The following SYNPO2 variants were observed in gnomAD, a reference collection of about 807,000 sequenced individuals.
SYNPO2 encodes the protein synaptopodin 2, also known as synaptopodin-2.
SYNPO2 carries 56 observed loss-of-function variants against 85.0 expected under a neutral mutation model. The ratio of observed to expected loss-of-function variants is 0.66; its 90% CI spans 0.53 to 0.82. The LOEUF is 0.82. Ranked by LOEUF, SYNPO2 falls within the 40% of genes least tolerant of loss-of-function variation. The probability of loss-of-function intolerance (pLI) is 0.00; values close to 1 mark genes in which losing one functional copy is unlikely to be tolerated. For synonymous variants in SYNPO2, 602 were observed against 591.1 expected, an observed-to-expected ratio of 1.02 and a Z score of -0.27; for missense variants, 1,575 against 1,534.2, an observed-to-expected ratio of 1.03 and a Z score of -0.44.
chr4:118,864,709 C>G (rs1731671907), intron 1 of SYNPO2, among the ~76,000 whole-genome samples: 1 of 152,128 alleles, frequency 6.6e-6, no homozygotes, highest in Non-Finnish European at 1.5e-5. Context: ...TCTTCTTTGT[C>G]TCTTCTTATG....
intron 1 of SYNPO2, among the ~76,000 whole-genome samples, chr4:119,007,260 ATATATATATATATATG>A (rs1560972447): frequency 0.027 from 992 of 36,896 alleles, 33 homozygotes; most frequent in Non-Finnish European, 0.043. Flanking sequence ...ATACATATAT[ATATATATATATATATG>A]TATATACATA....
At chr4:118,979,627 T>C (rs1305903457) in intron 1 of SYNPO2, among the ~76,000 whole-genome samples, 1 of 152,206 alleles carries the variant, frequency 6.6e-6, no homozygotes, top group Non-Finnish European at 1.5e-5. Context: ...GCTCAGTAAA[T>C]ATTTGTTCAC....
chr4:118,878,849 C>A (rs1232597381), intron 1 of SYNPO2, among the ~76,000 whole-genome samples: 1 of 152,208 alleles, frequency 6.6e-6, no homozygotes, highest in Non-Finnish European at 1.5e-5. Flanking sequence ...CCCCAGCCAG[C>A]AGAGGCACCC....
At chr4:118,855,699 TA>T (rs1444721394) in intron 1 of SYNPO2, among the ~76,000 whole-genome samples, 2 of 152,178 alleles carry the variant, frequency 1.3e-5, no homozygotes, top group African/African-American at 4.8e-5. Context: ...AGTGACATGA[TA>T]TTAGAGATGT....
chr4:118,921,456 A>G (rs1237616956), intron 1 of SYNPO2, among the ~76,000 whole-genome samples: 4 of 152,124 alleles, frequency 2.6e-5, no homozygotes, highest in African/African-American at 9.7e-5. Flanking sequence ...CTTGATTAAA[A>G]TCATTTGGAA....
chr4:118,991,062 T>G (rs1736397257), intron 1 of SYNPO2, among the ~76,000 whole-genome samples: 1 of 152,216 alleles, frequency 6.6e-6, no homozygotes, highest in South Asian at 2.1e-4. Context: ...GCTAATACCA[T>G]CAGTTCCAGG....
chr4:118,878,833 T>G (rs893612188), intron 1 of SYNPO2, among the ~76,000 whole-genome samples: 2 of 152,220 alleles, frequency 1.3e-5, no homozygotes, highest in African/African-American at 4.8e-5. Context: ...GAATAAAAGC[T>G]GGCCACCCCA....
At chr4:118,948,400 A>G (rs1196130854) in intron 1 of SYNPO2, among the ~76,000 whole-genome samples, 1 of 152,246 alleles carries the variant, frequency 6.6e-6, no homozygotes, top group Non-Finnish European at 1.5e-5. Flanking sequence ...GTGTGAAAGA[A>G]TCAATGCCTA....
intron 1 of SYNPO2, among the ~76,000 whole-genome samples, chr4:118,901,114 C>T (rs1732741045): frequency 6.6e-6 from 1 of 152,010 alleles, no homozygotes; most frequent in Non-Finnish European, 1.5e-5. Flanking sequence ...TTCAACAGTA[C>T]TTGCAAAAAA....
intron 1 of SYNPO2, among the ~76,000 whole-genome samples, chr4:118,951,122 G>A (rs1434498104): frequency 2.6e-5 from 4 of 152,188 alleles, no homozygotes; most frequent in Admixed American, 2.6e-4. Flanking sequence ...TATACAGACA[G>A]TGTGTAACTG....
chr4:118,992,273 G>C (rs1326293966), intron 1 of SYNPO2, among the ~76,000 whole-genome samples: 1 of 152,164 alleles, frequency 6.6e-6, no homozygotes, highest in Admixed American at 6.5e-5. Flanking sequence ...AGATTGGAGG[G>C]GAGTTCAAAC....
At chr4:118,859,621 A>G (rs1731574872) in intron 1 of SYNPO2, among the ~76,000 whole-genome samples, 1 of 152,028 alleles carries the variant, frequency 6.6e-6, no homozygotes, top group African/African-American at 2.4e-5. Context: ...CTTTGTCTCC[A>G]TTAGCTCAAT....
In SYNPO2 at chr4:119,035,830, A is replaced by AC. The variant is rs1355818525; in HGVS notation, c.3252+3803_3252+3804insC. 8 of 984,978 alleles carry AC rather than the reference A, an allele frequency of 8.1e-6. No homozygotes were observed. In the East Asian group the frequency reaches 8.0e-4, roughly 98 times the overall value. The allele number at this position is 984,978 out of a possible 1,614,324, so 61.0% of individuals were successfully genotyped here. On this transcript the variant is annotated intron_variant, in intron 4 of 4. Coordinates refer to ENST00000307142, the MANE Select transcript of SYNPO2 (RefSeq NM_133477.3). ...ACATCTGAGATGTCCAAAAAAAAAA[A>AC]AAAAACACCTGATCTACATTGAAAG... is the stretch of plus-strand genomic sequence containing the variant.
Position 118,899,807 on chromosome 4 carries a change from C to A in SYNPO2, c.105+10666C>A, listed in dbSNP as rs911426905. 3.9e-5 allele frequency among the ~76,000 whole-genome samples: 6 copies of A among 152,262 alleles called. No homozygotes were observed. The South Asian group carries it at 1.2e-3, about 32-fold the overall frequency. On this transcript the variant is annotated intron_variant, in intron 1 of 4. Coordinates refer to ENST00000307142, the MANE Select transcript of SYNPO2 (RefSeq NM_133477.3). Reference sequence around the variant, plus strand: ...ACGCAGCCTCGCTCTTGTCACCCAACCTGGAGCGCAATGGTGCCATCTTGG... The same window carrying A: ...ACGCAGCCTCGCTCTTGTCACCCAAACTGGAGCGCAATGGTGCCATCTTGG...
At chr4:118,861,535 A>G (rs1731611854) in intron 1 of SYNPO2, among the ~76,000 whole-genome samples, 1 of 152,152 alleles carries the variant, frequency 6.6e-6, no homozygotes, top group African/African-American at 2.4e-5. Context: ...TGAGAGATAC[A>G]GGTCTAGTTT....
At chr4:119,032,587 T>C (rs1268867813) in intron 4 of SYNPO2, 2 of 994,646 alleles carry the variant, frequency 2.0e-6, no homozygotes, top group African/African-American at 3.5e-5. Flanking sequence ...ACAGAGAAGA[T>C]ACTCGGAGGA....
intron 1 of SYNPO2, among the ~76,000 whole-genome samples, chr4:118,881,283 C>G (rs1325324623): frequency 1.5e-5 from 2 of 136,500 alleles, no homozygotes; most frequent in Non-Finnish European, 3.1e-5. Context: ...GCCTGGGCGA[C>G]AGAGCAAAAC....
chr4:119,000,733 G>A (rs1162575570), intron 1 of SYNPO2, among the ~76,000 whole-genome samples: 1 of 152,184 alleles, frequency 6.6e-6, no homozygotes, highest in Non-Finnish European at 1.5e-5. Flanking sequence ...GAGGTGGACA[G>A]GAGAGAGAAG....
chr4:119,011,871 T>C lies in SYNPO2; in HGVS notation c.106-11559T>C, dbSNP rs55982202. 8.4e-3 allele frequency among the ~76,000 whole-genome samples: 1,279 copies of C among 151,940 alleles called. 10 individuals are homozygous for C. Among genetic ancestry groups the C allele is most frequent in the Non-Finnish European group, 0.015 (1,009 of 67,992 alleles). On this transcript the variant is annotated intron_variant, in intron 1 of 4. Coordinates refer to ENST00000307142, the MANE Select transcript of SYNPO2 (RefSeq NM_133477.3). ...AGCTATTTCCAAAGTAAGCTTGATATAGTAGCTTGGCAAAGATTTTCTTCT... is the reference window on the plus strand; with the variant it reads ...AGCTATTTCCAAAGTAAGCTTGATACAGTAGCTTGGCAAAGATTTTCTTCT...
Sources: gnomAD v4.1 joint callset for allele counts (sites outside exome capture counted in the v4.1 genomes callset) on GRCh38, gnomAD v4.1.1 for gene constraint, MANE v1.5 for transcripts, NCBI Gene and HGNC (gene_info 2026-07-23, HGNC 2026-07-21) for gene names.